The following KDM5A variants were observed in gnomAD, a reference collection of about 807,000 sequenced individuals.
KDM5A encodes lysine-specific demethylase 5A.
KDM5A carries 42 observed loss-of-function variants against 193.5 expected under a neutral mutation model. The ratio of observed to expected loss-of-function variants is 0.22; its 90% CI spans 0.17 to 0.28. KDM5A has a LOEUF of 0.28. KDM5A is among the 10% of genes least tolerant of loss of function. The pLI is 1.00. For synonymous variants in KDM5A, 796 were observed against 718.1 expected, an observed-to-expected ratio of 1.11 and a Z score of -1.73; for missense variants, 1,692 against 2,055.1, an observed-to-expected ratio of 0.82 and a Z score of 3.42.
At chr12:310,652 G>C (rs766048081) in intron 21 of KDM5A, among the ~76,000 whole-genome samples, 9 of 151,920 alleles carry the variant, frequency 5.9e-5, no homozygotes, top group African/African-American at 1.9e-4. Flanking sequence ...AGAACAAAAC[G>C]ATTTCAATGA....
chr12:353,095 A>G (rs1944183597), intron 8 of KDM5A, among the ~76,000 whole-genome samples: 1 of 152,212 alleles, frequency 6.6e-6, no homozygotes, highest in South Asian at 2.1e-4. Flanking sequence ...CTGTAATCCC[A>G]GCACTTTGGA....
At chr12:339,934 G>A (rs150424480) in intron 10 of KDM5A, among the ~76,000 whole-genome samples, 12 of 151,266 alleles carry the variant, frequency 7.9e-5, no homozygotes, top group African/African-American at 2.9e-4. Flanking sequence ...GAGTGCAGTG[G>A]CATGATCACA....
At chr12:322,936 C>G in intron 16 of KDM5A, 146 bp downstream of exon 16, 6 of 1,031,832 alleles carry the variant, frequency 5.8e-6, no homozygotes, top group Non-Finnish European at 8.5e-6. Flanking sequence ...AAAATTAAGT[C>G]TATATTCAAT....
At chr12:315,663 AG>A (rs1432486772) in intron 19 of KDM5A, among the ~76,000 whole-genome samples, 1 of 152,188 alleles carries the variant, frequency 6.6e-6, no homozygotes, top group Non-Finnish European at 1.5e-5. Context: ...GAAAGTGAGA[AG>A]CACTGGGGAA....
At chr12:351,518 A>C (rs988860922) in intron 9 of KDM5A, among the ~76,000 whole-genome samples, 3 of 152,174 alleles carry the variant, frequency 2.0e-5, no homozygotes, top group Admixed American at 2.0e-4. Flanking sequence ...TAATAACTAT[A>C]GCAAATTTTT....
chr12:290,428 C>T (rs147997074), intron 27 of KDM5A, among the ~76,000 whole-genome samples: 124 of 152,286 alleles, frequency 8.1e-4, no homozygotes, highest in East Asian at 4.6e-3. Flanking sequence ...CTCACCTTTA[C>T]GTATCGTAAC....
intron 21 of KDM5A, 22 bp downstream of exon 21, chr12:310,863 G>C (rs760842782): frequency 1.6e-5 from 25 of 1,610,770 alleles, no homozygotes; most frequent in Admixed American, 8.3e-5. Context: ...AGCTGCTTAT[G>C]AGAGTGTTGA....
chr12:295,497 C>T lies in KDM5A; in HGVS notation c.4455+76G>A. On this transcript the variant is annotated intron_variant, in intron 26 of 27. Coordinates refer to ENST00000399788, the MANE Select transcript of KDM5A (RefSeq NM_001042603.3). The stretch of plus-strand genomic sequence containing the variant: ...TTACTGCCCTCAGCCACCCCTTTGC[C>T]AACATTTATGATACCTCTAAGGAAC... The T allele has an allele frequency of 2.9e-6, 4 of 1,398,660 alleles. No homozygotes were observed. In the South Asian group the frequency reaches 4.6e-5, roughly 16 times the overall value. 86.6% of individuals were successfully genotyped at this position (1,398,660 alleles called of 1,614,324 possible).
chr12:281,320 T>A lies in KDM5A; in HGVS notation c.*4136A>T, dbSNP rs1376892795. 3 of 233,024 alleles carry A rather than the reference T, an allele frequency of 1.3e-5. No homozygotes were observed. Among genetic ancestry groups the A allele is most frequent in the Non-Finnish European group, 2.5e-5 (3 of 117,986 alleles). 14.4% of individuals were successfully genotyped at this position (233,024 alleles called of 1,614,324 possible). Reference sequence around the variant, plus strand: ...ACAAGACATTCCTGTTTAGACCACTTGGAGTACTGCAAAAGAAAAAACAAA... The same window carrying A: ...ACAAGACATTCCTGTTTAGACCACTAGGAGTACTGCAAAAGAAAAAACAAA... On this transcript the variant is annotated 3_prime_UTR_variant, in exon 28 of 28. Transcript: ENST00000399788.
chr12:307,508 A>G lies in KDM5A; in HGVS notation c.3876T>C (p.Thr1292=), dbSNP rs1356869649. 3 of 1,613,830 alleles carry G rather than the reference A, an allele frequency of 1.9e-6. No individual in the cohort carries two copies. The South Asian group carries it at 3.3e-5, about 18-fold the overall frequency. Residue 1292 remains threonine, a synonymous_variant, in exon 23 of 28, where the codon ACT becomes ACC. Coordinates refer to ENST00000399788, the MANE Select transcript of KDM5A (RefSeq NM_001042603.3). This position sits in a 1 kb window ranked among gnomAD's most constrained non-coding sequence, Gnocchi z 4.3. The part of the protein sequence containing the change: ...RMVEQAAREK[T]EKIISAELQK... ...GGAGTTCTGCACTGATGATCTTTTC[A>G]GTTTTTTCTCGAGCCGCCTGTTCCA...
intron 5 of KDM5A, among the ~76,000 whole-genome samples, chr12:361,805 A>G (rs1944297283): frequency 2.6e-5 from 4 of 152,216 alleles, no homozygotes; most frequent in Admixed American, 2.0e-4. Context: ...AATTTCCATG[A>G]AAGTCACATT....
Position 333,580 on chromosome 12 carries a change from C to A in KDM5A, c.1560G>T (p.Glu520Asp). ...AAEQLEEVMRELAPELFESQP... is the reference protein window; with the variant it reads ...AAEQLEEVMRDLAPELFESQP... ...GGGATTCAAATAACTCGGGGGCCAG[C>A]TCTCTCATCACCTCCTCCAGTTGCT... The change falls in exon 12 of 28, where the codon GAG becomes GAT. Residue 520 changes from glutamate to aspartate, a missense_variant. By Grantham distance (45) the Glu-to-Asp change is conservative. This residue lies in a region of KDM5A where 172 missense variants were observed against 260.3 expected (regional missense o/e 0.66). Coordinates refer to ENST00000399788, the MANE Select transcript of KDM5A (RefSeq NM_001042603.3). 6.2e-7 allele frequency: 1 copy of A among 1,614,128 alleles called. No individual in the cohort carries two copies. Among genetic ancestry groups the A allele is most frequent in the Non-Finnish European group, 8.5e-7 (1 of 1,179,994 alleles).
At chr12:371,810 T>G (rs1944431321) in intron 3 of KDM5A, among the ~76,000 whole-genome samples, 1 of 152,248 alleles carries the variant, frequency 6.6e-6, no homozygotes, top group African/African-American at 2.4e-5. Context: ...CAGTTTCAGC[T>G]TTCTACATAT....
At chr12:286,154 C>T in intron 27 of KDM5A, 1 of 507,026 alleles carries the variant, frequency 2.0e-6, no homozygotes, top group Non-Finnish European at 4.1e-6. Context: ...ACATAGGCCA[C>T]TTTTAAAACT....
chr12:337,140 TTCC>T (rs1565538166), intron 10 of KDM5A, among the ~76,000 whole-genome samples: 1 of 152,200 alleles, frequency 6.6e-6, no homozygotes, highest in African/African-American at 2.4e-5. Context: ...CTTCTCTCTC[TTCC>T]TCCTGCTCTG....
rs1173312389 is a variant in KDM5A, at chr12:284,128, G to T, written c.*1328C>A. On this transcript the variant is annotated 3_prime_UTR_variant, in exon 28 of 28. Transcript: ENST00000399788. ...TCCTTGTACTACAAAGAAGGAATGG[G>T]ATTTTTTTTTTTAAAGCAAAAAAGA... 8.7e-6 allele frequency: 2 copies of T among 230,372 alleles called. No individual in the cohort carries two copies. The highest frequency in any genetic ancestry group is 1.2e-4 in the East Asian group (2 of 16,338). The allele number at this position is 230,372 out of a possible 1,614,324, so 14.3% of individuals were successfully genotyped here. A position where few individuals can be genotyped will look rare whatever the true frequency, so the allele number is the denominator to read the frequency against.
chr12:330,737 CAAGT>C (rs1294884646), intron 13 of KDM5A, among the ~76,000 whole-genome samples: 1 of 152,108 alleles, frequency 6.6e-6, no homozygotes, highest in Non-Finnish European at 1.5e-5. Context: ...ATTACTGGAG[CAAGT>C]AAGACTATTC....
At chr12:331,726 C>T in intron 13 of KDM5A, 93 bp downstream of exon 13, 2 of 1,449,164 alleles carry the variant, frequency 1.4e-6, no homozygotes, top group Non-Finnish European at 9.7e-7. Flanking sequence ...TGAACCCGAC[C>T]CTGAGCCCAG....
In KDM5A at chr12:372,934, G is replaced by A. The variant is rs140001642; in HGVS notation, c.367-6830C>T. On this transcript the variant is annotated intron_variant, in intron 3 of 27. Coordinates refer to ENST00000399788, the MANE Select transcript of KDM5A (RefSeq NM_001042603.3). ...TATTGAACCAGTCTTGCATCCCAGG[G>A]ATGAAGCCCATTTGATCATGGTGGA... is the stretch of plus-strand genomic sequence containing the variant. Among the ~76,000 whole-genome samples, 388 of 152,302 alleles carry A rather than the reference G, an allele frequency of 2.5e-3. 15 individuals carry two copies. In the East Asian group the frequency reaches 0.067, roughly 26 times the overall value.
Sources: gnomAD v4.1 joint callset for allele counts (sites outside exome capture counted in the v4.1 genomes callset) on GRCh38, gnomAD v4.1.1 for gene constraint, gnomAD v4.1.1 regional missense constraint, Gnocchi (gnomAD v3.1) non-coding constraint, MANE v1.5 for transcripts, NCBI Gene and HGNC (gene_info 2026-07-23, HGNC 2026-07-21) for gene names.